Variants in GSTCD observed in about 807,000 individuals in gnomAD.
The protein encoded by GSTCD is glutathione S-transferase C-terminal domain containing.
GSTCD carries 44 observed loss-of-function variants against 68.3 expected under a neutral mutation model. That is an observed-to-expected ratio of 0.64 (90% CI 0.51 to 0.83). The LOEUF (loss-of-function observed/expected upper bound fraction) is 0.83, where lower values mean the gene tolerates loss of function less well. Ranked by LOEUF, GSTCD falls within the 40% of genes least tolerant of loss-of-function variation. The pLI is 0.00. For missense variants in GSTCD, 739 were observed against 735.9 expected (o/e 1.00, Z -0.05); for synonymous variants, 273 against 255.2 (o/e 1.07, Z -0.67).
At chr4:105,738,985 C>A (rs1213780145) in intron 5 of GSTCD, among the ~76,000 whole-genome samples, 2 of 152,098 alleles carry the variant, frequency 1.3e-5, no homozygotes, top group African/African-American at 4.8e-5. Context: ...TGACATAAGA[C>A]CTTTATTATG....
chr4:105,737,075 A>G (rs530968885), intron 5 of GSTCD, among the ~76,000 whole-genome samples: 1 of 152,242 alleles, frequency 6.6e-6, no homozygotes, highest in Non-Finnish European at 1.5e-5. Flanking sequence ...TCTCTTCACT[A>G]TACTGATTTC....
chr4:105,735,722 G>A (rs1251738318), intron 5 of GSTCD, among the ~76,000 whole-genome samples: 1 of 152,008 alleles, frequency 6.6e-6, no homozygotes, highest in African/African-American at 2.4e-5. Context: ...GATGAACCCG[G>A]TACATCAGTT....
intron 1 of GSTCD, among the ~76,000 whole-genome samples, chr4:105,716,821 ACT>A (rs1241772376): frequency 1.3e-5 from 2 of 152,122 alleles, no homozygotes; most frequent in Admixed American, 6.5e-5. Context: ...AATGAGACAA[ACT>A]CTGAGACATA....
At chr4:105,727,620 TTTTAC>T (rs1733085040) in intron 4 of GSTCD, among the ~76,000 whole-genome samples, 1 of 152,068 alleles carries the variant, frequency 6.6e-6, no homozygotes, top group South Asian at 2.1e-4. Flanking sequence ...TGAATTTTAT[TTTTAC>T]TTTAATCTTT....
At chr4:105,830,342 G>A (rs1007603280) in intron 8 of GSTCD, among the ~76,000 whole-genome samples, 6 of 151,936 alleles carry the variant, frequency 3.9e-5, no homozygotes, top group East Asian at 3.8e-4. Flanking sequence ...ACAATATCTC[G>A]AAAATTCTAA....
At chr4:105,832,612 TC>T in intron 8 of GSTCD, among the ~76,000 whole-genome samples, 1 of 152,250 alleles carries the variant, frequency 6.6e-6, no homozygotes, top group Admixed American at 6.5e-5. Context: ...ATCCTGCCCC[TC>T]AGTAGCTGTT....
intron 1 of GSTCD, among the ~76,000 whole-genome samples, chr4:105,709,586 G>A (rs1010222070): frequency 1.3e-5 from 2 of 152,060 alleles, no homozygotes; most frequent in African/African-American, 4.8e-5. Flanking sequence ...AGTTGCTTTG[G>A]TTTCAAAAAC....
chr4:105,769,237 A>AT (rs1560820248), intron 5 of GSTCD, among the ~76,000 whole-genome samples: 50 of 6,218 alleles, frequency 8.0e-3, no homozygotes, highest in African/African-American at 0.014. Flanking sequence ...ACGCGCGCAC[A>AT]CACACACACA....
chr4:105,815,634 T>A (rs1470361397), intron 5 of GSTCD, among the ~76,000 whole-genome samples: 1 of 152,182 alleles, frequency 6.6e-6, no homozygotes, highest in Non-Finnish European at 1.5e-5. Context: ...CATTTCAGAC[T>A]ACTACAGTGG....
chr4:105,739,836 A>C (rs1164721293), intron 5 of GSTCD, among the ~76,000 whole-genome samples: 1 of 152,164 alleles, frequency 6.6e-6, no homozygotes, highest in African/African-American at 2.4e-5. Context: ...TCAGTCCCCT[A>C]GGAGCAGGTG....
chr4:105,733,820 G>A (rs1021577108), intron 5 of GSTCD, among the ~76,000 whole-genome samples: 1 of 152,206 alleles, frequency 6.6e-6, no homozygotes, highest in African/African-American at 2.4e-5. Context: ...TGCAGTGGCT[G>A]GTAGCGGTTT....
intron 5 of GSTCD, among the ~76,000 whole-genome samples, chr4:105,821,485 T>G (rs1342024227): frequency 6.6e-6 from 1 of 151,908 alleles, no homozygotes; most frequent in Non-Finnish European, 1.5e-5. Context: ...AAAAGCTACA[T>G]GAATCTGTCA....
intron 5 of GSTCD, among the ~76,000 whole-genome samples, chr4:105,738,048 A>G (rs1027238333): frequency 7.2e-5 from 11 of 152,278 alleles, no homozygotes; most frequent in Middle Eastern, 3.4e-3. Flanking sequence ...GCCTTCTGCC[A>G]TGAGTGGAAG....
chr4:105,716,654 A>G (rs1252785562), intron 1 of GSTCD, among the ~76,000 whole-genome samples: 1 of 152,190 alleles, frequency 6.6e-6, no homozygotes, highest in Non-Finnish European at 1.5e-5. Flanking sequence ...CTGAGGTGAA[A>G]CAGTTTCATC....
At chr4:105,769,233 G>GATCACACACACACACACA (rs139425249) in intron 5 of GSTCD, among the ~76,000 whole-genome samples, 10 of 146,230 alleles carry the variant, frequency 6.8e-5, no homozygotes, top group Non-Finnish European at 1.4e-4. Flanking sequence ...ATACACGCGC[G>GATCACACACACACACACA]CACACACACA....
chr4:105,785,570 AT>A (rs758817831), intron 5 of GSTCD, among the ~76,000 whole-genome samples: 6 of 152,218 alleles, frequency 3.9e-5, no homozygotes, highest in Non-Finnish European at 7.4e-5. Flanking sequence ...TAAAAAAGGC[AT>A]TTGATAAAAT....
At chr4:105,746,940 C>T (rs1219761554) in intron 5 of GSTCD, among the ~76,000 whole-genome samples, 2 of 152,190 alleles carry the variant, frequency 1.3e-5, no homozygotes, top group Admixed American at 1.3e-4. Context: ...TATAAACCAA[C>T]AGCAGCACCC....
intron 5 of GSTCD, among the ~76,000 whole-genome samples, chr4:105,742,671 C>A (rs1215251071): frequency 6.6e-6 from 1 of 151,110 alleles, no homozygotes; most frequent in African/African-American, 2.4e-5. Context: ...TCTTGATATC[C>A]TATTAGTACT....
At chr4:105,779,109 G>A (rs1000816127) in intron 5 of GSTCD, among the ~76,000 whole-genome samples, 7 of 152,088 alleles carry the variant, frequency 4.6e-5, no homozygotes, top group Non-Finnish European at 8.8e-5. Context: ...TTTGCCATTT[G>A]TCCCAATAAC....
Sources: gnomAD v4.1 joint callset for allele counts (sites outside exome capture counted in the v4.1 genomes callset) on GRCh38, gnomAD v4.1.1 for gene constraint, MANE v1.5 for transcripts, NCBI Gene and HGNC (gene_info 2026-07-23, HGNC 2026-07-21) for gene names.